TRIM9: variants seen among roughly 807,000 people sequenced by gnomAD.
The protein encoded by TRIM9 is tripartite motif containing 9.
Under a neutral mutation model 78.3 loss-of-function variants are expected in TRIM9, and 26 were observed. That is an observed-to-expected ratio of 0.33 (90% CI 0.24 to 0.46). The LOEUF (loss-of-function observed/expected upper bound fraction) is 0.46. Ranked by LOEUF, TRIM9 falls within the 20% of genes least tolerant of loss-of-function variation. The pLI is 1.00. For missense variants in TRIM9, 787 were observed against 1,036.4 expected (o/e 0.76, Z 3.30); for synonymous variants, 398 against 416.5 (o/e 0.96, Z 0.54).
intron 1 of TRIM9, among the ~76,000 whole-genome samples, chr14:51,093,646 C>G (rs1034286293): frequency 1.3e-5 from 2 of 152,336 alleles, no homozygotes; most frequent in South Asian, 2.1e-4. Flanking sequence ...TCACCAGGTC[C>G]GCCTATCCAG....
At chr14:51,062,025 C>T (rs967583774) in intron 1 of TRIM9, among the ~76,000 whole-genome samples, 4 of 152,142 alleles carry the variant, frequency 2.6e-5, no homozygotes, top group African/African-American at 2.4e-5. Context: ...TTCTGAAGTG[C>T]GTTAGATTAT....
At chr14:51,059,358 G>T (rs1273318926) in intron 1 of TRIM9, among the ~76,000 whole-genome samples, 5 of 152,134 alleles carry the variant, frequency 3.3e-5, no homozygotes, top group Non-Finnish European at 7.4e-5. Flanking sequence ...GGAAATGCAG[G>T]CCATCCCTTA....
intron 5 of TRIM9, among the ~76,000 whole-genome samples, chr14:51,001,794 TAGC>T (rs1172788609): frequency 6.6e-6 from 1 of 152,148 alleles, no homozygotes; most frequent in Non-Finnish European, 1.5e-5. Flanking sequence ...TCTCTCAAGG[TAGC>T]TATACCTCGA....
chr14:50,980,245 G>A (rs528743464), intron 11 of TRIM9, among the ~76,000 whole-genome samples: 5 of 152,300 alleles, frequency 3.3e-5, no homozygotes, highest in African/African-American at 1.2e-4. Flanking sequence ...ATTATACTCT[G>A]AGATGTAGTG....
At chr14:51,051,147 CAT>C (rs1296103119) in intron 1 of TRIM9, among the ~76,000 whole-genome samples, 2 of 152,168 alleles carry the variant, frequency 1.3e-5, no homozygotes, top group Non-Finnish European at 2.9e-5. Context: ...GTAAGGAATT[CAT>C]ATGTTCTGGT....
At chr14:51,044,707 T>C (rs1315870741) in intron 1 of TRIM9, among the ~76,000 whole-genome samples, 1 of 152,202 alleles carries the variant, frequency 6.6e-6, no homozygotes, top group Non-Finnish European at 1.5e-5. Context: ...ATTTATATTA[T>C]GTGAGTGAAG....
At chr14:50,989,634 T>C (rs1349572493) in intron 7 of TRIM9, among the ~76,000 whole-genome samples, 1 of 152,218 alleles carries the variant, frequency 6.6e-6, no homozygotes, top group Non-Finnish European at 1.5e-5. Context: ...GGATCCCGTG[T>C]GGTTGCAGAG....
At position 50,986,072 on chromosome 14, in the gene TRIM9, G is replaced by T. The variant is rs1240406683; in HGVS notation, c.1676C>A (p.Pro559His). The T allele has an allele frequency of 1.9e-6, 3 of 1,549,566 alleles. No homozygotes were observed. The highest frequency in any genetic ancestry group is 2.6e-6 in the Non-Finnish European group (3 of 1,146,486). ...SERLPLRRMS[P>H]FSSTLNLQPS... ...TTGTAGATTAAGGGTGGAGGAGAAA[G>T]GACTCATTCTACGGAGCGGCAATCT... Residue 559 changes from proline to histidine, a missense_variant, in exon 8 of 13, where the codon CCT (proline) becomes CAT (histidine). By Grantham distance (77) the Pro-to-His change is moderately conservative. Around this residue, in one of 3 missense-constraint regions of TRIM9, gnomAD observed 421 missense variants for 514.3 expected, o/e 0.82. Transcript: ENST00000684578.
At chr14:51,078,555 C>T (rs193261752) in intron 1 of TRIM9, among the ~76,000 whole-genome samples, 101 of 152,196 alleles carry the variant, frequency 6.6e-4, no homozygotes, top group East Asian at 3.3e-3. Context: ...CTTGCCACAA[C>T]GTGGGTTATG....
In TRIM9 at chr14:50,989,196, T is replaced by A. The variant is rs552410686; in HGVS notation, c.1604-3052A>T. Among the ~76,000 whole-genome samples the A allele has an allele frequency of 7.4e-4, 112 of 152,340 alleles. 3 individuals are homozygous for A. The South Asian group carries it at 0.02, about 27-fold the overall frequency. ...ATCCTTTACTCTCCTGGTCATGCCC[T>A]CTGGACATGTTCAAAGGCATGAATC... is the stretch of plus-strand genomic sequence containing the variant. On this transcript the variant is annotated intron_variant, in intron 7 of 12. Transcript: ENST00000684578.
chr14:50,983,195 G>T (rs2052209296), intron 9 of TRIM9, among the ~76,000 whole-genome samples, 185 bp downstream of exon 9: 1 of 152,160 alleles, frequency 6.6e-6, no homozygotes, highest in South Asian at 2.1e-4. Flanking sequence ...AAGGTTTGAG[G>T]CATAACATTA....
intron 1 of TRIM9, among the ~76,000 whole-genome samples, chr14:51,042,895 C>T (rs140850984): frequency 1.5e-3 from 221 of 152,268 alleles, no homozygotes; most frequent in South Asian, 4.1e-3. Flanking sequence ...CTCCTTTAAC[C>T]TTCGTTCTAC....
At chr14:51,064,952 T>C (rs1258154441) in intron 1 of TRIM9, among the ~76,000 whole-genome samples, 1 of 152,170 alleles carries the variant, frequency 6.6e-6, no homozygotes, top group African/African-American at 2.4e-5. Flanking sequence ...ATTTTACTGG[T>C]GAACTCTGAC....
Position 50,979,447 on chromosome 14 carries a change from T to A in TRIM9, c.2265A>T (p.Ile755=). Residue 755 remains isoleucine, a synonymous_variant, in exon 12 of 13, where the codon ATA becomes ATT. Transcript: ENST00000684578. ...AGAGGCCCTCCACGTTATCAAATGC[T>A]ATGGGACCTTGTTGTTCATCGTTGA... The part of the protein sequence containing the change: ...FFINDEQQGP[I]AFDNVEGLFF... 1.2e-6 allele frequency: 2 copies of A among 1,614,226 alleles called. No individual in the cohort carries two copies. The highest frequency in any genetic ancestry group is 1.7e-6 in the Non-Finnish European group (2 of 1,180,036).
rs1349235377 is a variant in TRIM9 at position 50,975,708 on chromosome 14, A to G, written c.*1583T>C. The G allele has an allele frequency of 6.6e-6, 1 of 152,612 alleles. No homozygotes were observed. 9.5% of individuals were successfully genotyped at this position (152,612 alleles called of 1,614,324 possible). ...TTTCCCATCCTATCTCTTCCCTTCT[A>G]TTTGTTATTCTTGTTTTTTCATGGT... On this transcript the variant is annotated 3_prime_UTR_variant, in exon 13 of 13. Coordinates refer to ENST00000684578, the MANE Select transcript of TRIM9 (RefSeq NM_001387360.1).
chr14:50,996,513 T>A (rs1377978080), intron 7 of TRIM9: 1 of 985,290 alleles, frequency 1.0e-6, no homozygotes, highest in African/African-American at 1.7e-5. Context: ...TTCCCGCAGA[T>A]CTGATAACAC....
At position 51,044,477 on chromosome 14, in the gene TRIM9, C is replaced by T. The variant is rs143131423; in HGVS notation, c.823-19117G>A. On this transcript the variant is annotated intron_variant, in intron 1 of 12. Coordinates refer to ENST00000684578, the MANE Select transcript of TRIM9 (RefSeq NM_001387360.1). The stretch of plus-strand genomic sequence containing the variant: ...TTCTGAGAAAGTCCTTTAAAGGGAA[C>T]TGATTCAGATGGGTGGTGTTGGTGC... Among the ~76,000 whole-genome samples the T allele has an allele frequency of 5.7e-3, 867 of 152,268 alleles. 8 individuals carry two copies. The highest frequency in any genetic ancestry group is 8.8e-3 in the Non-Finnish European group (598 of 68,016).
chr14:51,050,331 G>C (rs2060297850), intron 1 of TRIM9, among the ~76,000 whole-genome samples: 1 of 152,102 alleles, frequency 6.6e-6, no homozygotes, highest in Admixed American at 6.5e-5. Context: ...GTGGTAGTGA[G>C]TAAGTCTCAC....
intron 1 of TRIM9, among the ~76,000 whole-genome samples, chr14:51,059,213 T>C (rs888950415): frequency 1.3e-5 from 2 of 152,108 alleles, no homozygotes; most frequent in African/African-American, 4.8e-5. Context: ...GATTTTTCAT[T>C]CCCCCAAACA....
Sources: allele counts gnomAD v4.1 joint callset (sites outside exome capture counted in the v4.1 genomes callset), GRCh38; gene constraint gnomAD v4.1.1; regional missense constraint gnomAD v4.1.1; transcripts MANE v1.5; gene names NCBI Gene and HGNC (gene_info 2026-07-23, HGNC 2026-07-21).